Variants in MTUS2 observed in about 807,000 individuals in gnomAD.
The protein encoded by MTUS2 is microtubule-associated tumor suppressor candidate 2.
A neutral mutation model predicts 114.1 loss-of-function variants in MTUS2; 40 were observed. The ratio of observed to expected loss-of-function variants is 0.35; its 90% CI spans 0.27 to 0.46. MTUS2 has a LOEUF of 0.46. Ranked by LOEUF, MTUS2 falls within the 20% of genes least tolerant of loss-of-function variation. The pLI is 1.00. For missense variants in MTUS2, 1,679 were observed against 1,705.4 expected, an observed-to-expected ratio of 0.98 and a Z score of 0.27; for synonymous variants, 688 against 672.0, an observed-to-expected ratio of 1.02 and a Z score of -0.37.
chr13:29,137,084 G>A (rs2138983836), intron 5 of MTUS2, among the ~76,000 whole-genome samples: 1 of 152,308 alleles, frequency 6.6e-6, no homozygotes, highest in Admixed American at 6.5e-5. Context: ...GAGTGGTTAA[G>A]CAGAGGAAAA....
At chr13:28,832,594 G>A (rs995014813) in intron 1 of MTUS2, among the ~76,000 whole-genome samples, 26 of 149,406 alleles carry the variant, frequency 1.7e-4, no homozygotes, top group African/African-American at 6.4e-4. Flanking sequence ...ATAATGTAAA[G>A]AAAGAAGGGC....
intron 2 of MTUS2, among the ~76,000 whole-genome samples, chr13:29,011,305 A>C (rs2138422189): frequency 6.6e-6 from 1 of 152,326 alleles, no homozygotes; most frequent in African/African-American, 2.4e-5. Flanking sequence ...CTATTCTGAT[A>C]ATGAAGATGT....
intron 5 of MTUS2, among the ~76,000 whole-genome samples, chr13:29,124,639 C>T (rs911565857): frequency 1.1e-4 from 16 of 152,156 alleles, no homozygotes; most frequent in African/African-American, 3.9e-4. Context: ...ATCCATGTTC[C>T]TAGTTGTATT....
intron 2 of MTUS2, among the ~76,000 whole-genome samples, chr13:28,933,392 T>G (rs1167629839): frequency 2.0e-5 from 3 of 152,194 alleles, no homozygotes; most frequent in Non-Finnish European, 2.9e-5. Context: ...AACTTCAGTC[T>G]TTGCTCTTGA....
At chr13:29,082,540 G>A (rs1051154781) in intron 4 of MTUS2, among the ~76,000 whole-genome samples, 18 of 152,170 alleles carry the variant, frequency 1.2e-4, no homozygotes, top group Non-Finnish European at 2.6e-4. Flanking sequence ...ATCAGGCAAA[G>A]GTCTGAGGAA....
At chr13:29,391,739 G>T (rs1873494986) in intron 8 of MTUS2, among the ~76,000 whole-genome samples, 1 of 151,104 alleles carries the variant, frequency 6.6e-6, no homozygotes, top group Non-Finnish European at 1.5e-5. Context: ...CACAACAAAA[G>T]CTACGATTAA....
chr13:29,090,424 G>T (rs930900002), intron 4 of MTUS2, among the ~76,000 whole-genome samples: 1 of 152,194 alleles, frequency 6.6e-6, no homozygotes, highest in Non-Finnish European at 1.5e-5. Context: ...GGTCGTGGGG[G>T]CTGCAGGAGA....
chr13:29,457,141 C>CA (rs771743973), intron 9 of MTUS2, among the ~76,000 whole-genome samples: 1,685 of 89,594 alleles, frequency 0.019, 19 homozygotes, highest in African/African-American at 0.057. Context: ...AGACTCCATT[C>CA]AAAAAAAAAA....
chr13:29,191,274 A>G (rs999802174), intron 5 of MTUS2, among the ~76,000 whole-genome samples: 4 of 152,220 alleles, frequency 2.6e-5, no homozygotes, highest in African/African-American at 4.8e-5. Flanking sequence ...TGGCTTCAAC[A>G]TTCCATCACT....
chr13:29,406,479 C>G (rs1244784938), intron 8 of MTUS2, among the ~76,000 whole-genome samples: 1 of 152,180 alleles, frequency 6.6e-6, no homozygotes, highest in Non-Finnish European at 1.5e-5. Flanking sequence ...GGGGCTTTCC[C>G]TAGGGCTTCC....
chr13:29,397,269 T>A (rs1189662573), intron 8 of MTUS2, among the ~76,000 whole-genome samples: 3 of 152,196 alleles, frequency 2.0e-5, no homozygotes, highest in Non-Finnish European at 4.4e-5. Context: ...CTCTAAGCTG[T>A]CATGCCTCAC....
intron 12 of MTUS2, among the ~76,000 whole-genome samples, chr13:29,493,944 T>C (rs534778596): frequency 6.6e-6 from 1 of 151,898 alleles, no homozygotes; most frequent in Non-Finnish European, 1.5e-5. Context: ...GGGCTGGAGG[T>C]TATTTGGTGC....
intron 2 of MTUS2, among the ~76,000 whole-genome samples, chr13:28,993,414 T>C (rs1884948661): frequency 1.3e-5 from 2 of 152,222 alleles, no homozygotes; most frequent in South Asian, 4.1e-4. Context: ...TATTTTGTTA[T>C]TCTCCTGTGC....
chr13:29,451,084 C>T (rs1878653831), intron 9 of MTUS2, among the ~76,000 whole-genome samples: 1 of 152,156 alleles, frequency 6.6e-6, no homozygotes, highest in African/African-American at 2.4e-5. Flanking sequence ...CGCTATCTTC[C>T]AACTTGACCT....
intron 6 of MTUS2, among the ~76,000 whole-genome samples, chr13:29,313,992 T>C (rs938134228): frequency 6.6e-6 from 1 of 152,108 alleles, no homozygotes; most frequent in African/African-American, 2.4e-5. Flanking sequence ...AATCTTCAGC[T>C]TTGGAAGCTG....
chr13:28,898,535 C>T (rs1218574692), intron 2 of MTUS2, among the ~76,000 whole-genome samples: 1 of 152,198 alleles, frequency 6.6e-6, no homozygotes. Context: ...ACATGATGAA[C>T]TACCGTATCC....
intron 2 of MTUS2, among the ~76,000 whole-genome samples, chr13:28,966,934 G>A (rs1883622848): frequency 1.3e-5 from 2 of 152,132 alleles, no homozygotes; most frequent in African/African-American, 4.8e-5. Context: ...TGAATTTATT[G>A]AGAATAGTAG....
chr13:28,934,228 T>C (rs981624417), intron 2 of MTUS2, among the ~76,000 whole-genome samples: 4 of 152,206 alleles, frequency 2.6e-5, no homozygotes, highest in African/African-American at 7.2e-5. Context: ...GGTGGAGATA[T>C]TGATTAGTTA....
rs117439721 is a variant in MTUS2 at position 29,270,382 on chromosome 13, G to A, written c.2645-11322G>A. On this transcript the variant is annotated intron_variant, in intron 5 of 15. Coordinates refer to ENST00000612955, the MANE Select transcript of MTUS2 (RefSeq NM_001033602.4). The stretch of plus-strand genomic sequence containing the variant: ...GACGCGGTGGACAGCATCCTCTGCC[G>A]CATGCCTGTCACAAAACATGAGCAA... 4.7e-3 allele frequency among the ~76,000 whole-genome samples: 712 copies of A among 152,216 alleles called. 7 individuals carry two copies. The highest frequency in any genetic ancestry group is 8.0e-3 in the Non-Finnish European group (541 of 68,026).
Sources: allele counts gnomAD v4.1 joint callset (sites outside exome capture counted in the v4.1 genomes callset), GRCh38; gene constraint gnomAD v4.1.1; transcripts MANE v1.5; gene names NCBI Gene and HGNC (gene_info 2026-07-23, HGNC 2026-07-21).